The following CHID1 variants were observed in gnomAD, a reference collection of about 807,000 sequenced individuals.
CHID1 encodes the protein chitinase domain containing 1.
Under a neutral mutation model 55.4 loss-of-function variants are expected in CHID1, and 44 were observed. The ratio of observed to expected loss-of-function variants is 0.79; its 90% CI spans 0.62 to 1.02. The LOEUF is 1.02. Ranked by LOEUF, CHID1 falls within the 50% of genes least tolerant of loss-of-function variation. The pLI is 0.00. For synonymous variants in CHID1, 216 were observed against 212.9 expected (o/e 1.01, Z -0.13); for missense variants, 491 against 515.3 (o/e 0.95, Z 0.46).
In CHID1 at chr11:869,782, G is replaced by A. The variant is rs1219954719; in HGVS notation, c.*76C>T. Reference sequence around the variant, plus strand: ...ACCCGTCACAGCAAACGGAGTGGAGGCCTGTATTTCACACCTGCTCACTCA... The same window carrying A: ...ACCCGTCACAGCAAACGGAGTGGAGACCTGTATTTCACACCTGCTCACTCA... On this transcript the variant is annotated 3_prime_UTR_variant, in exon 13 of 13. Transcript: ENST00000323578. The A allele has an allele frequency of 1.6e-6, 2 of 1,289,294 alleles. No homozygotes were observed. The highest frequency in any genetic ancestry group is 2.3e-6 in the Non-Finnish European group (2 of 887,262). The allele number at this position is 1,289,294 out of a possible 1,614,324, so 79.9% of individuals were successfully genotyped here.
chr11:913,208 G>C (rs1852790801), upstream of CHID1, among the ~76,000 whole-genome samples: 1 of 151,014 alleles, frequency 6.6e-6, no homozygotes, highest in African/African-American at 2.4e-5. Flanking sequence ...AGGCTGGAGT[G>C]CAGTGGATTA....
intron 9 of CHID1, among the ~76,000 whole-genome samples, chr11:883,683 AAGG>A (rs1850172770): frequency 1.3e-5 from 2 of 152,230 alleles, no homozygotes; most frequent in South Asian, 2.1e-4. Context: ...ACACAGTGGG[AAGG>A]AGGTCAGCAG....
chr11:909,990 C>T (rs921477264), intron 1 of CHID1, among the ~76,000 whole-genome samples: 1 of 151,462 alleles, frequency 6.6e-6, no homozygotes, highest in African/African-American at 2.4e-5. Flanking sequence ...AGCCCAGAAG[C>T]GGAGGTTGCA....
chr11:905,438 G>A (rs747733059), intron 1 of CHID1, among the ~76,000 whole-genome samples: 3 of 152,210 alleles, frequency 2.0e-5, no homozygotes, highest in Non-Finnish European at 2.9e-5. Context: ...GGGAGGCTGA[G>A]GCGGGCGGAT....
At chr11:876,181 A>C (rs1320396795) in intron 10 of CHID1, among the ~76,000 whole-genome samples, 1 of 152,182 alleles carries the variant, frequency 6.6e-6, no homozygotes, top group Non-Finnish European at 1.5e-5. Flanking sequence ...GCCTCGAGAA[A>C]GGGCCAGGGA....
At chr11:899,447 G>A (rs1020230932) in intron 6 of CHID1, 46 bp from the exon 7 acceptor site, 3 of 1,544,266 alleles carry the variant, frequency 1.9e-6, no homozygotes, top group Non-Finnish European at 2.6e-6. Context: ...GGCCCAGGAG[G>A]GATGGGTGGA....
At position 875,741 on chromosome 11, in the gene CHID1, G is replaced by A. The variant is rs1291183969; in HGVS notation, c.960-5242C>T. ...GATTCACAAGACAGAGGAGGAAAAC[G>A]CCTAGGTCCACCGAGTCGTGGCAGC... On this transcript the variant is annotated intron_variant, in intron 10 of 12. Coordinates refer to ENST00000323578, the MANE Select transcript of CHID1 (RefSeq NM_023947.4). This position sits in a 1 kb window ranked among gnomAD's most constrained non-coding sequence, Gnocchi z 4.7. Among the ~76,000 whole-genome samples the A allele has an allele frequency of 1.3e-5, 2 of 152,092 alleles. No homozygotes were observed. The highest frequency in any genetic ancestry group is 4.1e-4 in the South Asian group (2 of 4,834).
rs566969079 is a variant in CHID1 at position 874,227 on chromosome 11, T to C, written c.960-3728A>G. Among the ~76,000 whole-genome samples the C allele has an allele frequency of 4.6e-5, 7 of 152,244 alleles. No homozygotes were observed. In the East Asian group the frequency reaches 1.4e-3, roughly 29 times the overall value. ...CTGTAATCCCAGCACTTTGGGAGGCTGAGGCGGGCGGATCACCTGAGGTCA... is the reference window on the plus strand; with the variant it reads ...CTGTAATCCCAGCACTTTGGGAGGCCGAGGCGGGCGGATCACCTGAGGTCA... On this transcript the variant is annotated intron_variant, in intron 10 of 12. Transcript: ENST00000323578.
At chr11:896,532 C>T (rs1431193263) in intron 7 of CHID1, among the ~76,000 whole-genome samples, 2 of 113,302 alleles carry the variant, frequency 1.8e-5, no homozygotes. Context: ...CCACCCCAGA[C>T]GTGAGGCTGT....
intron 10 of CHID1, among the ~76,000 whole-genome samples, chr11:873,992 T>C (rs1000653503): frequency 2.0e-5 from 3 of 151,054 alleles, no homozygotes; most frequent in Admixed American, 1.3e-4. Context: ...AGAAAGCAGA[T>C]CAAGTGTGAG....
At chr11:903,839 C>T in intron 2 of CHID1, 1 of 200,116 alleles carries the variant, frequency 5.0e-6, no homozygotes, top group Non-Finnish European at 1.1e-5. Flanking sequence ...CAACCACTGC[C>T]TGCCACCGCC....
intron 7 of CHID1, among the ~76,000 whole-genome samples, chr11:894,777 T>A (rs1040363831): frequency 2.0e-5 from 3 of 152,154 alleles, no homozygotes; most frequent in African/African-American, 7.2e-5. Context: ...CCTCAGCCAG[T>A]ACCCAGAGGC....
At chr11:911,737 C>A (rs1225919099), upstream of CHID1, among the ~76,000 whole-genome samples, 9 of 152,212 alleles carry the variant, frequency 5.9e-5, no homozygotes, top group Non-Finnish European at 1.0e-4. Flanking sequence ...CTAGAAGGGG[C>A]TGGGGGCTGC....
rs1052435649 is a variant in CHID1 at position 902,218 on chromosome 11, C to T, written c.374G>A (p.Gly125Asp). The change falls in exon 4 of 13, where the codon GGC becomes GAC. Residue 125 changes from glycine (G) to aspartate (D), a missense_variant. Transcript: ENST00000323578. ...RRGREMFEVT[G>D]LHDVDQGWMR... ...AGAACCTTGGTCCACGTCGTGGAGGCCCGTGACCTCAAACATCTCACGGCC... is the reference window on the plus strand; with the variant it reads ...AGAACCTTGGTCCACGTCGTGGAGGTCCGTGACCTCAAACATCTCACGGCC... The T allele has an allele frequency of 1.2e-6, 2 of 1,613,784 alleles. No homozygotes were observed. Among genetic ancestry groups the T allele is most frequent in the African/African-American group, 1.3e-5 (1 of 74,888 alleles).
upstream of CHID1, among the ~76,000 whole-genome samples, chr11:913,264 C>T (rs139213562): frequency 0.025 from 3,764 of 152,126 alleles, 67 homozygotes; most frequent in Middle Eastern, 0.058. Context: ...AAACCTCCTG[C>T]GTCAGCCTCC....
intron 8 of CHID1, among the ~76,000 whole-genome samples, chr11:885,841 C>G (rs940503613): frequency 6.6e-6 from 1 of 152,130 alleles, no homozygotes; most frequent in Non-Finnish European, 1.5e-5. Flanking sequence ...ATCCTCTTGC[C>G]TTTTTTAGTT....
At chr11:877,795 G>A (rs1208021987) in intron 10 of CHID1, among the ~76,000 whole-genome samples, 1 of 151,400 alleles carries the variant, frequency 6.6e-6, no homozygotes, top group South Asian at 2.1e-4. Context: ...ACTGTGGGGA[G>A]GCGGGGCCTT....
chr11:910,640 C>A, intron 1 of CHID1, 135 bp downstream of exon 1: 1 of 1,267,724 alleles, frequency 7.9e-7, no homozygotes, highest in Non-Finnish European at 1.0e-6. Context: ...CTCTCACGCA[C>A]CCGCCCGGCG....
At chr11:876,175 C>T (rs918633754) in intron 10 of CHID1, among the ~76,000 whole-genome samples, 9 of 152,112 alleles carry the variant, frequency 5.9e-5, no homozygotes, top group African/African-American at 2.2e-4. Flanking sequence ...AGATAAGCCT[C>T]GAGAAAGGGC....
Sources: gnomAD v4.1 joint callset for allele counts (sites outside exome capture counted in the v4.1 genomes callset) on GRCh38, gnomAD v4.1.1 for gene constraint, Gnocchi (gnomAD v3.1) non-coding constraint, MANE v1.5 for transcripts, NCBI Gene and HGNC (gene_info 2026-07-23, HGNC 2026-07-21) for gene names.